Variants in ITGA7 observed in about 807,000 individuals in gnomAD.
ITGA7 encodes integrin subunit alpha 7.
Under a neutral mutation model 131.6 loss-of-function variants are expected in ITGA7, and 84 were observed. The ratio of observed to expected loss-of-function variants is 0.64; its 90% CI spans 0.54 to 0.77. ITGA7 has a LOEUF of 0.77. Ranked by LOEUF, ITGA7 falls within the 30% of genes least tolerant of loss-of-function variation. ITGA7 has a pLI of 0.00. For missense variants in ITGA7, 1,399 were observed against 1,482.9 expected (o/e 0.94, Z 0.93); for synonymous variants, 548 against 600.7 (o/e 0.91, Z 1.28).
intron 22 of ITGA7, 28 bp downstream of exon 22, chr12:55,688,816 A>G (rs957648230): frequency 5.2e-6 from 8 of 1,546,948 alleles, no homozygotes; most frequent in Non-Finnish European, 6.3e-6. Flanking sequence ...AAGAAGAAAC[A>G]CAGACTAGAG....
chr12:55,698,344 G>GC (rs1417282808), intron 7 of ITGA7, 39 bp downstream of exon 7: 7 of 1,550,922 alleles, frequency 4.5e-6, no homozygotes, highest in Non-Finnish European at 6.1e-6. Flanking sequence ...CCCTCCTGTG[G>GC]CCCCTCCCTC....
upstream of ITGA7, among the ~76,000 whole-genome samples, chr12:55,711,161 G>C (rs1024745873): frequency 1.3e-5 from 2 of 152,184 alleles, no homozygotes; most frequent in Non-Finnish European, 2.9e-5. Context: ...GACTTCATGT[G>C]CTATTTTTAC....
chr12:55,714,628 G>A (rs1181615992), upstream of ITGA7, among the ~76,000 whole-genome samples: 3 of 151,588 alleles, frequency 2.0e-5, no homozygotes, highest in Non-Finnish European at 2.9e-5. Flanking sequence ...GGAGGTTGCA[G>A]TCAGCTGAGA....
rs372423716 is a variant in ITGA7 at position 55,685,210 on chromosome 12, G to A, written c.3262C>T (p.Arg1088Ter). Residue 1088 changes from arginine (R) to a stop codon, truncating the protein, a stop_gained, in exon 25 of 25, where the codon CGA becomes TGA. Coordinates refer to ENST00000257879, the MANE Select transcript of ITGA7 (RefSeq NM_002206.3). LOFTEE classifies it high-confidence loss of function. ...GTCTTCTCCTCCTTGAACTGCTGTCGGTCTTCCCGAGGAATCTTCACCGCA... is the reference window on the plus strand; with the variant it reads ...GTCTTCTCCTCCTTGAACTGCTGTCAGTCTTCCCGAGGAATCTTCACCGCA... ...YHAVKIPRED[R>*]QQFKEEKTGT... 1.2e-5 allele frequency: 20 copies of A among 1,614,060 alleles called. No individual in the cohort carries two copies. The Admixed American group carries it at 1.5e-4, about 12-fold the overall frequency.
Position 55,695,591 on chromosome 12 carries a change from C to G in ITGA7, c.1934G>C (p.Ser645Thr). ...QGCGEDKICQSNLQLVRARFC... is the reference protein window; with the variant it reads ...QGCGEDKICQTNLQLVRARFC... ...GCGGGCGCGGACCAGCTGCAGATTG[C>G]TCTGGCAGATCTTGTCTTCACCACA... The change falls in exon 14 of 25, where the codon AGC becomes ACC. Residue 645 changes from serine (S) to threonine (T), a missense_variant. Transcript: ENST00000257879. 6.2e-7 allele frequency: 1 copy of G among 1,613,892 alleles called. No homozygotes were observed. The highest frequency in any genetic ancestry group is 8.5e-7 in the Non-Finnish European group (1 of 1,179,966).
chr12:55,694,334 G>A lies in ITGA7; in HGVS notation c.2358-4C>T, dbSNP rs1173725390. On this transcript the variant is annotated splice_region_variant and splice_polypyrimidine_tract_variant and intron_variant, in intron 17 of 24. Coordinates refer to ENST00000257879, the MANE Select transcript of ITGA7 (RefSeq NM_002206.3). This position sits in a 1 kb window ranked among gnomAD's most constrained non-coding sequence, Gnocchi z 5.3. ...ATGCAGCTCCTGCTCACTGATCCTG[G>A]TGAGTGGGCAGGGGCAAGTATGGGC... The A allele has an allele frequency of 6.2e-7, 1 of 1,613,628 alleles. No individual in the cohort carries two copies. The highest frequency in any genetic ancestry group is 8.5e-7 in the Non-Finnish European group (1 of 1,179,994).
chr12:55,698,999 C>T (rs1246887799), intron 5 of ITGA7, 82 bp from the exon 6 acceptor site: 2 of 1,313,900 alleles, frequency 1.5e-6, no homozygotes, highest in African/African-American at 1.5e-5. Context: ...CAGCCCCTGC[C>T]CCCTCCCTAC....
chr12:55,690,565 G>A (rs929490639), intron 21 of ITGA7, among the ~76,000 whole-genome samples: 2 of 149,680 alleles, frequency 1.3e-5, no homozygotes, highest in South Asian at 2.2e-4. Flanking sequence ...TCAGTGTGGC[G>A]ATTCCTCAGG....
chr12:55,700,025 A>G, intron 4 of ITGA7, 36 bp from the exon 5 acceptor site: 1 of 1,612,462 alleles, frequency 6.2e-7, no homozygotes, highest in Non-Finnish European at 8.5e-7. Flanking sequence ...GGGAGGGGAC[A>G]TCCAGAGTAG....
intron 12 of ITGA7, among the ~76,000 whole-genome samples, 196 bp downstream of exon 12, chr12:55,696,703 T>C (rs553860828): frequency 2.0e-5 from 3 of 152,098 alleles, no homozygotes; most frequent in African/African-American, 7.2e-5. Flanking sequence ...TTGCACCTCC[T>C]CCTCCTCCAG....
At chr12:55,692,219 C>T (rs1407070799) in intron 21 of ITGA7, among the ~76,000 whole-genome samples, 1 of 152,144 alleles carries the variant, frequency 6.6e-6, no homozygotes, top group South Asian at 2.1e-4. Context: ...TCGAGACCAG[C>T]CAGCCTGGCC....
Position 55,694,375 on chromosome 12 carries a change from C to T in ITGA7, c.2358-45G>A. On this transcript the variant is annotated intron_variant, in intron 17 of 24. Transcript: ENST00000257879. The surrounding 1 kb of genome is among the most constrained non-coding windows in gnomAD (Gnocchi z 5.3). ...AAGTATGGGCATCAGGCACAGGCAC[C>T]TCCCAAGGGGTCAGATGAGGTCAAT... 3 of 1,613,116 alleles carry T rather than the reference C, an allele frequency of 1.9e-6. No individual in the cohort carries two copies. Among genetic ancestry groups the T allele is most frequent in the Non-Finnish European group, 2.5e-6 (3 of 1,179,320 alleles).
rs555463994 is a variant in ITGA7, at chr12:55,706,836, A to G, written c.206+641T>C. Among the ~76,000 whole-genome samples, 865 of 152,178 alleles carry G rather than the reference A, an allele frequency of 5.7e-3. 7 individuals are homozygous for G. Among genetic ancestry groups the G allele is most frequent in the African/African-American group, 0.019 (809 of 41,508 alleles). On this transcript the variant is annotated intron_variant, in intron 1 of 24. Coordinates refer to ENST00000257879, the MANE Select transcript of ITGA7 (RefSeq NM_002206.3). ...TGCTACAGCTGCTGCGGCTACTACT[A>G]CTGCTACTAGTACTTTGAGGGTTCA...
chr12:55,707,098 C>A (rs1384467856), intron 1 of ITGA7, among the ~76,000 whole-genome samples: 1 of 152,208 alleles, frequency 6.6e-6, no homozygotes, highest in East Asian at 1.9e-4. Context: ...TCCATCTCCT[C>A]CCATTCTAAG....
chr12:55,704,524 G>A lies in ITGA7; in HGVS notation c.207-1346C>T, dbSNP rs151134338. On this transcript the variant is annotated intron_variant, in intron 1 of 24. Coordinates refer to ENST00000257879, the MANE Select transcript of ITGA7 (RefSeq NM_002206.3). ...ATCATATTTATTCAGCACCTACTAT[G>A]ACGTCAGATCCGAGGCTAGACACCA... 3.8e-3 allele frequency among the ~76,000 whole-genome samples: 572 copies of A among 152,302 alleles called. 5 individuals are homozygous for A. Among genetic ancestry groups the A allele is most frequent in the South Asian group, 8.7e-3 (42 of 4,826 alleles).
Position 55,694,878 on chromosome 12 carries a change from G to A in ITGA7, c.2096C>T (p.Ala699Val), listed in dbSNP as rs1317195570. ...ATCATCCCCATCAGCCTGGGGCTGG[G>A]CTGGGTCCGATGGCAGGTTGGTGAC... ...LMVTNLPSDPAQPQADGDDAH... is the reference protein window; with the variant it reads ...LMVTNLPSDPVQPQADGDDAH... Residue 699 changes from alanine (A) to valine (V), a missense_variant, in exon 15 of 25, where the codon GCC (alanine) becomes GTC (valine). Physicochemically the swap from Ala to Val is moderately conservative, Grantham distance 64. Coordinates refer to ENST00000257879, the MANE Select transcript of ITGA7 (RefSeq NM_002206.3). This position sits in a 1 kb window ranked among gnomAD's most constrained non-coding sequence, Gnocchi z 5.3. 2 of 1,614,110 alleles carry A rather than the reference G, an allele frequency of 1.2e-6. No homozygotes were observed. Among genetic ancestry groups the A allele is most frequent in the South Asian group, 2.2e-5 (2 of 91,086 alleles).
rs1872068242 is a variant in ITGA7, at chr12:55,694,058, T to C, written c.2498A>G (p.Glu833Gly). Residue 833 changes from glutamate to glycine, a missense_variant, in exon 19 of 25, where the codon GAG becomes GGG. Transcript: ENST00000257879. This position sits in a 1 kb window ranked among gnomAD's most constrained non-coding sequence, Gnocchi z 5.3. ...CTTGACCTTGCTGCCCACATCCCGCTCAGACTGCATGGCTCTCTCGCCCCT... is the reference window on the plus strand; with the variant it reads ...CTTGACCTTGCTGCCCACATCCCGCCCAGACTGCATGGCTCTCTCGCCCCT... ...VVRGERAMQSERDVGSKVKYE... is the reference protein window; with the variant it reads ...VVRGERAMQSGRDVGSKVKYE... 6.2e-7 allele frequency: 1 copy of C among 1,614,026 alleles called. No homozygotes were observed. Among genetic ancestry groups the C allele is most frequent in the Admixed American group, 1.7e-5 (1 of 59,994 alleles).
At position 55,688,268 on chromosome 12, in the gene ITGA7, A is replaced by G. The variant is rs773391574; in HGVS notation, c.2991T>C (p.Ile997=). The G allele has an allele frequency of 3.1e-6, 5 of 1,614,094 alleles. No homozygotes were observed. The East Asian group carries it at 6.7e-5, about 22-fold the overall frequency. ...ACTTCACTGTGATGTTGGCCCGGAC[A>G]ATCACTTCCAGGGACTTCACAGCTG... is the stretch of plus-strand genomic sequence containing the variant. ...EYSAVKSLEV[I]VRANITVKSS... is the part of the protein sequence containing the mutation. Residue 997 remains isoleucine (I), a synonymous_variant, in exon 23 of 25, where the codon ATT becomes ATC. Transcript: ENST00000257879.
intron 4 of ITGA7, 31 bp from the exon 5 acceptor site, chr12:55,700,020 G>T: frequency 6.2e-7 from 1 of 1,613,066 alleles, no homozygotes; most frequent in Non-Finnish European, 8.5e-7. Context: ...CACCAGGGAG[G>T]GGACATCCAG....
Sources: allele counts gnomAD v4.1 joint callset (sites outside exome capture counted in the v4.1 genomes callset), GRCh38; gene constraint gnomAD v4.1.1; non-coding constraint Gnocchi (gnomAD v3.1); transcripts MANE v1.5; gene names NCBI Gene and HGNC (gene_info 2026-07-23, HGNC 2026-07-21).